Variants in MRC1 observed in about 807,000 individuals in gnomAD.
MRC1 encodes macrophage mannose receptor 1.
Under a neutral mutation model 102.9 loss-of-function variants are expected in MRC1, and 62 were observed. The ratio of observed to expected loss-of-function variants is 0.60; its 90% CI spans 0.49 to 0.74. MRC1 has a LOEUF of 0.74. Ranked by LOEUF, MRC1 falls within the 30% of genes least tolerant of loss-of-function variation. MRC1 has a pLI of 0.00. For missense variants in MRC1, 1,237 were observed against 862.8 expected (o/e 1.43, Z -5.43); for synonymous variants, 457 against 298.4 (o/e 1.53, Z -5.48).
intron 26 of MRC1, among the ~76,000 whole-genome samples, chr10:17,905,976 T>C (rs1467751229): frequency 2.6e-5 from 4 of 152,228 alleles, no homozygotes; most frequent in Non-Finnish European, 4.4e-5. Flanking sequence ...ATATTAGTTA[T>C]TATTAAAAAG....
At chr10:17,903,991 TA>T (rs1833864628) in intron 26 of MRC1, among the ~76,000 whole-genome samples, 1 of 152,124 alleles carries the variant, frequency 6.6e-6, no homozygotes, top group African/African-American at 2.4e-5. Context: ...AATATACATA[TA>T]AACATTTAAT....
In MRC1 at chr10:17,826,481, C is replaced by T. The variant is rs529379729; in HGVS notation, c.464-1061C>T. ...CCTCTCAAAGCGCTGGGATTGCAAG[C>T]GTGAGACAAGCTAAGAACTTTTTCA... On this transcript the variant is annotated intron_variant, in intron 2 of 29. Coordinates refer to ENST00000569591, the MANE Select transcript of MRC1 (RefSeq NM_002438.4). Among the ~76,000 whole-genome samples the T allele has an allele frequency of 1.4e-3, 210 of 152,160 alleles. 1 individual carries two copies. The highest frequency in any genetic ancestry group is 5.0e-3 in the African/African-American group (206 of 41,470).
chr10:17,881,273 G>A (rs1371640016), intron 21 of MRC1, 92 bp downstream of exon 21: 7 of 732,232 alleles, frequency 9.6e-6, no homozygotes, highest in African/African-American at 7.1e-5. Flanking sequence ...CTGACTTTTT[G>A]GTTTTCCAGT....
chr10:17,861,305 C>A, intron 9 of MRC1, 82 bp from the exon 10 acceptor site: 1 of 674,802 alleles, frequency 1.5e-6, no homozygotes, highest in Non-Finnish European at 2.6e-6. Flanking sequence ...AAGAGCAAAA[C>A]TGCATCTCAA....
chr10:17,849,695 G>A lies in MRC1; in HGVS notation c.1180G>A (p.Glu394Lys). The A allele has an allele frequency of 1.3e-6, 1 of 780,956 alleles. No homozygotes were observed. Among genetic ancestry groups the A allele is most frequent in the South Asian group, 1.3e-5 (1 of 74,612 alleles). 48.4% of individuals were successfully genotyped at this position (780,956 alleles called of 1,614,324 possible). The change falls in exon 7 of 30, where the codon GAA becomes AAA. Residue 394 changes from glutamate (E) to lysine (K), a missense_variant. Glu to Lys is a moderately conservative substitution (Grantham distance 56). Transcript: ENST00000569591. Reference protein sequence around the residue: ...QRDALTTCRKEGGDLTSIHTI... With the variant: ...QRDALTTCRKKGGDLTSIHTI... ...GGATGCTCTGACCACCTGCAGGAAG[G>A]AAGGCGGTGACCTCACAAGTATCCA...
At chr10:17,901,363 C>G (rs1385131640) in intron 25 of MRC1, among the ~76,000 whole-genome samples, 1 of 152,200 alleles carries the variant, frequency 6.6e-6, no homozygotes, top group Admixed American at 6.5e-5. Flanking sequence ...AGGAAAGTCA[C>G]TTTACAAATT....
At chr10:17,873,342 A>G (rs1424362357) in intron 15 of MRC1, among the ~76,000 whole-genome samples, 1 of 152,224 alleles carries the variant, frequency 6.6e-6, no homozygotes, top group African/African-American at 2.4e-5. Flanking sequence ...AGATGTCTGG[A>G]AAATGAACAG....
intron 6 of MRC1, among the ~76,000 whole-genome samples, chr10:17,847,520 G>A (rs1021501494): frequency 3.9e-5 from 6 of 152,178 alleles, no homozygotes; most frequent in African/African-American, 9.7e-5. Flanking sequence ...TTGGAAAAGC[G>A]TATCAGAGTT....
At chr10:17,862,408 T>C (rs2130662285) in intron 10 of MRC1, among the ~76,000 whole-genome samples, 1 of 152,280 alleles carries the variant, frequency 6.6e-6, no homozygotes, top group African/African-American at 2.4e-5. Flanking sequence ...GTGAGGGAGG[T>C]AAACTGCTCA....
At chr10:17,866,323 C>G (rs1456338466) in intron 11 of MRC1, among the ~76,000 whole-genome samples, 1 of 124,042 alleles carries the variant, frequency 8.1e-6, no homozygotes, top group African/African-American at 2.7e-5. Flanking sequence ...GAGAGAGAAG[C>G]AGTAAACTAT....
chr10:17,894,394 C>CTTT (rs34625338), intron 23 of MRC1, 82 bp downstream of exon 23: 4,119 of 402,532 alleles, frequency 0.01, 1 homozygote, highest in South Asian at 0.013. Flanking sequence ...TTCTTTCTTT[C>CTTT]TTTTTTTTTT....
intron 1 of MRC1, among the ~76,000 whole-genome samples, chr10:17,813,301 C>T (rs1164669701): frequency 6.6e-6 from 1 of 152,172 alleles, no homozygotes; most frequent in Non-Finnish European, 1.5e-5. Context: ...AGGGATCCAA[C>T]TGTGGTTCTG....
chr10:17,894,394 C>CTTTTTTTTT (rs34625338), intron 23 of MRC1, 82 bp downstream of exon 23: 436 of 406,142 alleles, frequency 1.1e-3, no homozygotes, highest in African/African-American at 2.9e-3. Flanking sequence ...TTCTTTCTTT[C>CTTTTTTTTT]TTTTTTTTTT....
intron 19 of MRC1, 102 bp downstream of exon 19, chr10:17,879,923 T>C: frequency 1.3e-6 from 1 of 774,712 alleles, no homozygotes; most frequent in South Asian, 1.4e-5. Context: ...TCAGACAAGA[T>C]AAGAAGAGAG....
intron 2 of MRC1, among the ~76,000 whole-genome samples, 165 bp from the exon 3 acceptor site, chr10:17,827,377 A>G (rs1838494368): frequency 2.6e-5 from 1 of 38,452 alleles, no homozygotes; most frequent in East Asian, 4.7e-4. Context: ...ATACCCAAAA[A>G]AAAAAAAAAA....
chr10:17,847,772 T>C (rs999158952), intron 6 of MRC1, among the ~76,000 whole-genome samples: 290 of 151,654 alleles, frequency 1.9e-3, no homozygotes, highest in African/African-American at 6.6e-3. Flanking sequence ...AGTTGGTTGT[T>C]TTCATGCTTT....
At chr10:17,812,314 AGCCGGTGG>A (rs1484634490) in intron 1 of MRC1, among the ~76,000 whole-genome samples, 1 of 152,142 alleles carries the variant, frequency 6.6e-6, no homozygotes, top group Non-Finnish European at 1.5e-5. Flanking sequence ...GCACCATGAG[AGCCGGTGG>A]GACACAGAGG....
At chr10:17,821,601 A>G (rs1374101507) in intron 1 of MRC1, among the ~76,000 whole-genome samples, 3 of 152,132 alleles carry the variant, frequency 2.0e-5, no homozygotes, top group Non-Finnish European at 2.9e-5. Flanking sequence ...GAGCATACAG[A>G]GGAGCGTGTC....
intron 6 of MRC1, 78 bp from the exon 7 acceptor site, chr10:17,849,501 T>C (rs1219889139): frequency 1.1e-5 from 8 of 732,020 alleles, no homozygotes; most frequent in African/African-American, 5.4e-5. Context: ...TCATGTATTA[T>C]ATAAAATGAT....
Sources: gnomAD v4.1 joint callset for allele counts (sites outside exome capture counted in the v4.1 genomes callset) on GRCh38, gnomAD v4.1.1 for gene constraint, MANE v1.5 for transcripts, NCBI Gene and HGNC (gene_info 2026-07-23, HGNC 2026-07-21) for gene names.